The following SDF2 variants were observed in gnomAD, a reference collection of about 807,000 sequenced individuals.
The protein encoded by SDF2 is stromal cell-derived factor 2.
In SDF2, 12 loss-of-function variants were observed where a neutral mutation model predicts 20.5. That is an observed-to-expected ratio of 0.58 (90% CI 0.37 to 0.95). SDF2 has a LOEUF of 0.95. Among genes scored for constraint, SDF2 ranks in the 40% least tolerant of loss-of-function variants. SDF2 has a pLI of 0.01. For synonymous variants in SDF2, 100 were observed against 101.0 expected (o/e 0.99, Z 0.06); for missense variants, 238 against 263.1 (o/e 0.90, Z 0.66).
chr17:28,648,380 CTG>C lies in SDF2; in HGVS notation c.*607_*608del, dbSNP rs1401520376. The C allele has an allele frequency of 9.1e-5, 14 of 153,176 alleles. No homozygotes were observed. The highest frequency in any genetic ancestry group is 3.4e-4 in the African/African-American group (14 of 41,400). The allele number at this position is 153,176 out of a possible 1,614,324, so 9.5% of individuals were successfully genotyped here. ...CTGGCTATTTATTATGCTGTATTCT[CTG>C]AGAGTTTTTAGCTATAATTAGTCAA... On this transcript the variant is annotated 3_prime_UTR_variant, in exon 3 of 3. Transcript: ENST00000247020.
chr17:28,655,310 T>A lies in SDF2; in HGVS notation c.325A>T (p.Thr109Ser). 5 of 1,614,138 alleles carry A rather than the reference T, an allele frequency of 3.1e-6. No homozygotes were observed. The highest frequency in any genetic ancestry group is 4.2e-6 in the Non-Finnish European group (5 of 1,180,032). Residue 109 changes from threonine to serine, a missense_variant, in exon 2 of 3, where the codon ACT (threonine) becomes TCT (serine). Coordinates refer to ENST00000247020, the MANE Select transcript of SDF2 (RefSeq NM_006923.4). The stretch of plus-strand genomic sequence containing the variant: ...ACCTGGTTTCCAGAAAGAGGTGAAG[T>A]GAAGTGGTGACTATGGAGGTTTCGG... ...TGRNLHSHHF[T>S]SPLSGNQEVS...
intron 2 of SDF2, among the ~76,000 whole-genome samples, chr17:28,654,485 C>T (rs2071939523): frequency 6.6e-6 from 1 of 151,950 alleles, no homozygotes; most frequent in Non-Finnish European, 1.5e-5. Context: ...TAGTTGTTGT[C>T]TCCACTTTGA....
intron 2 of SDF2, 109 bp from the exon 3 acceptor site, chr17:28,649,385 G>A: frequency 1.9e-6 from 2 of 1,047,360 alleles, no homozygotes; most frequent in South Asian, 1.5e-5. Context: ...AAATCAGAGG[G>A]GCCAGGCTTA....
At chr17:28,660,084 C>T (rs879764025) in intron 1 of SDF2, among the ~76,000 whole-genome samples, 5 of 152,232 alleles carry the variant, frequency 3.3e-5, no homozygotes, top group East Asian at 1.9e-4. Flanking sequence ...ACCAAAAATA[C>T]GAAAACCAGT....
intron 1 of SDF2, among the ~76,000 whole-genome samples, chr17:28,658,129 T>C (rs2071982353): frequency 6.6e-6 from 1 of 152,198 alleles, no homozygotes; most frequent in Non-Finnish European, 1.5e-5. Flanking sequence ...CACTAAACCA[T>C]GGTCTACATT....
chr17:28,661,807 C>G lies in SDF2; in HGVS notation c.70G>C (p.Val24Leu). Residue 24 changes from valine to leucine, a missense_variant, in exon 1 of 3, where the codon GTT (valine) becomes CTT (leucine). Transcript: ENST00000247020. ...SAVGASSLGV[V>L]TCGSVVKLLN... ...AGCTTCACCACGGAGCCGCAAGTAA[C>G]GACACCCAGGCTGGACGCTCCCACA... The G allele has an allele frequency of 1.2e-6, 2 of 1,614,148 alleles. No homozygotes were observed. The highest frequency in any genetic ancestry group is 2.2e-5 in the South Asian group (2 of 91,084).
chr17:28,660,716 C>G (rs1326494249), intron 1 of SDF2: 1 of 154,862 alleles, frequency 6.5e-6, no homozygotes, highest in East Asian at 1.9e-4. Flanking sequence ...ATGTCCTTGC[C>G]TAGTCTGACT....
chr17:28,661,029 T>C (rs2072029616), intron 1 of SDF2: 2 of 370,736 alleles, frequency 5.4e-6, no homozygotes, highest in South Asian at 4.2e-5. Context: ...CATTAAGACC[T>C]ATGCTGAATG....
chr17:28,661,702 C>T (rs756253682), intron 1 of SDF2, 24 bp downstream of exon 1: 1 of 1,603,114 alleles, frequency 6.2e-7, no homozygotes, highest in South Asian at 1.1e-5. Flanking sequence ...CCCTAGCCCA[C>T]CCGAGCCCGG....
chr17:28,658,238 T>G (rs2071984117), intron 1 of SDF2, among the ~76,000 whole-genome samples: 1 of 152,026 alleles, frequency 6.6e-6, no homozygotes, highest in African/African-American at 2.4e-5. Flanking sequence ...GGCCTTCATC[T>G]GTTTCTACCT....
In SDF2 at chr17:28,649,080, G is replaced by A. The variant is rs762074814; in HGVS notation, c.545C>T (p.Pro182Leu). The A allele has an allele frequency of 6.2e-7, 1 of 1,614,062 alleles. No individual in the cohort carries two copies. Among genetic ancestry groups the A allele is most frequent in the Non-Finnish European group, 8.5e-7 (1 of 1,180,042 alleles). Residue 182 changes from proline (P) to leucine (L), a missense_variant, in exon 3 of 3, where the codon CCA becomes CTA. Coordinates refer to ENST00000247020, the MANE Select transcript of SDF2 (RefSeq NM_006923.4). ...GGCTTTCCAGTAGTTGTTCTGACTT[G>A]GCTGGGCCATGCCATGCACCTCTTT... ...GQKEVHGMAQ[P>L]SQNNYWKAME...
intron 2 of SDF2, among the ~76,000 whole-genome samples, chr17:28,652,914 T>C (rs2071927150): frequency 1.3e-5 from 2 of 152,146 alleles, no homozygotes; most frequent in African/African-American, 2.4e-5. Flanking sequence ...TTGGAACAAT[T>C]TGAGCAACAA....
chr17:28,651,874 GGAACT>G (rs896469425), intron 2 of SDF2, among the ~76,000 whole-genome samples: 2 of 152,278 alleles, frequency 1.3e-5, no homozygotes, highest in Admixed American at 1.3e-4. Context: ...TTTGTATACT[GGAACT>G]GAACTGAAGT....
At chr17:28,661,194 G>A (rs772966136) in intron 1 of SDF2, 7 of 454,802 alleles carry the variant, frequency 1.5e-5, no homozygotes, top group Non-Finnish European at 2.7e-5. Context: ...GATGGAAACT[G>A]AGGAGCAAGT....
intron 1 of SDF2, 136 bp downstream of exon 1, chr17:28,661,590 G>A (rs2072044196): frequency 4.6e-6 from 4 of 874,586 alleles, no homozygotes; most frequent in South Asian, 1.7e-5. Flanking sequence ...TCAGTTCTCC[G>A]ACTCTCTAGA....
chr17:28,649,184 C>T lies in SDF2; in HGVS notation c.441G>A (p.Glu147=), dbSNP rs1399604418. Reference sequence around the variant, plus strand: ...CAGTGGAAGAGTGTTTGAACCGCACCTCACCATCTCTCACCCAGTAGGGTC... The same window carrying T: ...CAGTGGAAGAGTGTTTGAACCGCACTTCACCATCTCTCACCCAGTAGGGTC... ...CNGPYWVRDG[E]VRFKHSSTEV... Residue 147 remains glutamate, a synonymous_variant, in exon 3 of 3, where the codon GAG becomes GAA. Coordinates refer to ENST00000247020, the MANE Select transcript of SDF2 (RefSeq NM_006923.4). 1.2e-6 allele frequency: 2 copies of T among 1,614,218 alleles called. No homozygotes were observed. The highest frequency in any genetic ancestry group is 2.2e-5 in the South Asian group (2 of 91,086).
chr17:28,649,418 G>A (rs1196911765), intron 2 of SDF2, 142 bp from the exon 3 acceptor site: 2 of 765,156 alleles, frequency 2.6e-6, no homozygotes, highest in African/African-American at 1.7e-5. Context: ...TACCACTTTG[G>A]GAAGCTGAGC....
At chr17:28,649,734 CAAA>C (rs1183683101) in intron 2 of SDF2, among the ~76,000 whole-genome samples, 1 of 61,242 alleles carries the variant, frequency 1.6e-5, no homozygotes. Flanking sequence ...AACTCTGTCT[CAAA>C]AAAAAAAAAA....
At chr17:28,650,914 G>A (rs1017603780) in intron 2 of SDF2, among the ~76,000 whole-genome samples, 1 of 145,590 alleles carries the variant, frequency 6.9e-6, no homozygotes, top group Admixed American at 7.0e-5. Context: ...GAGTAGCTAA[G>A]ACAACAGGCA....
Sources: gnomAD v4.1 joint callset for allele counts (sites outside exome capture counted in the v4.1 genomes callset) on GRCh38, gnomAD v4.1.1 for gene constraint, MANE v1.5 for transcripts, NCBI Gene and HGNC (gene_info 2026-07-23, HGNC 2026-07-21) for gene names.